Variants in GCNA observed in about 807,000 individuals in gnomAD.
GCNA encodes germ cell nuclear acidic protein.
In GCNA, 3 loss-of-function variants were observed where a neutral mutation model predicts 38.8. The observed-to-expected ratio is 0.08, with a 90% confidence interval of 0.04 to 0.20. The LOEUF (loss-of-function observed/expected upper bound fraction) is 0.20, where lower values mean the gene tolerates loss of function less well. GCNA is among the 10% of genes least tolerant of loss of function. The probability of loss-of-function intolerance (pLI) is 1.00; values close to 1 mark genes in which losing one functional copy is unlikely to be tolerated. For synonymous variants in GCNA, 195 were observed against 240.2 expected (o/e 0.81, Z 1.74); for missense variants, 446 against 578.6 (o/e 0.77, Z 2.35).
intron 12 of GCNA, 97 bp downstream of exon 12, chrX:71,612,656 AG>A (rs2040821430): frequency 1.1e-6 from 1 of 911,627 alleles, no homozygotes; most frequent in African/African-American, 2.0e-5. Flanking sequence ...TGAACTGAAG[AG>A]GAGAACCTCT....
At chrX:71,595,301 T>G (rs1012050076) in intron 6 of GCNA, among the ~76,000 whole-genome samples, 1 of 111,349 alleles carries the variant, frequency 9.0e-6, no homozygotes, top group Non-Finnish European at 1.9e-5. Context: ...TCACCATGTT[T>G]TTCAGGCTTG....
chrX:71,599,612 C>A (rs2040697823), intron 7 of GCNA, among the ~76,000 whole-genome samples: 2 of 112,274 alleles, frequency 1.8e-5, no homozygotes, highest in Non-Finnish European at 3.8e-5. Flanking sequence ...ATGAAGAATG[C>A]TCCTATAGGA....
In GCNA at chrX:71,612,958, G is replaced by T. The variant is rs2040824533; in HGVS notation, c.2052G>T (p.Gly684=). Residue 684 remains glycine (G), a synonymous_variant, in exon 13 of 13, where the codon GGG becomes GGT. Coordinates refer to ENST00000373696, the MANE Select transcript of GCNA (RefSeq NM_052957.5). ...LVMVPLTQKD[G]TRIVPHV is the part of the protein sequence containing the mutation. ...TGGTGCCATTAACTCAGAAAGATGG[G>T]ACCCGTATTGTGCCCCACGTGTGAC... 1.7e-6 allele frequency: 2 copies of T among 1,209,913 alleles called. No homozygotes were observed. The highest frequency in any genetic ancestry group is 1.8e-5 in the African/African-American group (1 of 57,089).
At chrX:71,610,927 C>G in intron 11 of GCNA, 108 bp downstream of exon 11, 1 of 1,062,507 alleles carries the variant, frequency 9.4e-7, no homozygotes, top group Non-Finnish European at 1.3e-6. Context: ...AACTGTCATT[C>G]TTGGGTGGGC....
chrX:71,579,888 A>G (rs2040532975), intron 1 of GCNA, among the ~76,000 whole-genome samples: 1 of 106,630 alleles, frequency 9.4e-6, no homozygotes, highest in Admixed American at 1.0e-4. Flanking sequence ...GGGAGGGGTC[A>G]AGGCCTGTTT....
intron 8 of GCNA, 42 bp downstream of exon 8, chrX:71,604,718 C>T (rs762963013): frequency 8.4e-7 from 1 of 1,193,625 alleles, no homozygotes; most frequent in Non-Finnish European, 1.1e-6. Context: ...ACTGAATGTG[C>T]CTTGCCTGCC....
At chrX:71,599,428 G>A (rs1191235688) in intron 7 of GCNA, among the ~76,000 whole-genome samples, 1 of 111,758 alleles carries the variant, frequency 8.9e-6, no homozygotes, top group African/African-American at 3.3e-5. Context: ...GCAGCTTGAG[G>A]GCAGGCAGGA....
At chrX:71,600,754 T>C (rs1017683844) in intron 7 of GCNA, among the ~76,000 whole-genome samples, 3 of 112,297 alleles carry the variant, frequency 2.7e-5, no homozygotes, top group Non-Finnish European at 5.6e-5. Context: ...GATACAAGCA[T>C]GCAATGTGTA....
At chrX:71,583,864 ACTTTT>A (rs1296917156) in intron 2 of GCNA, among the ~76,000 whole-genome samples, 6 of 106,813 alleles carry the variant, frequency 5.6e-5, no homozygotes, top group African/African-American at 2.0e-4. Context: ...CACCCGCCTA[ACTTTT>A]TTTTTTTTTT....
chrX:71,579,836 A>C (rs189919484), intron 1 of GCNA, among the ~76,000 whole-genome samples: 1,884 of 101,762 alleles, frequency 0.019, 20 homozygotes, highest in Non-Finnish European at 0.03. Context: ...TGAGGTGAGA[A>C]TGGTGGGGGT....
chrX:71,591,729 T>A (rs763186643), intron 2 of GCNA, among the ~76,000 whole-genome samples: 31 of 111,596 alleles, frequency 2.8e-4, no homozygotes, highest in African/African-American at 9.4e-4. Context: ...AACCTTGAAT[T>A]CCTGGGCTCA....
intron 9 of GCNA, among the ~76,000 whole-genome samples, chrX:71,607,634 CAA>C (rs1007963294): frequency 4.5e-5 from 5 of 112,336 alleles, no homozygotes; most frequent in African/African-American, 1.6e-4. Flanking sequence ...GTGGTTTAAT[CAA>C]AAGACCATGA....
chrX:71,612,880 A>G lies in GCNA; in HGVS notation c.1974A>G (p.Lys658=). 8.3e-7 allele frequency: 1 copy of G among 1,211,088 alleles called. No individual in the cohort carries two copies. Among genetic ancestry groups the G allele is most frequent in the Non-Finnish European group, 1.1e-6 (1 of 895,290 alleles). ...GCKTRIGCYT[K]SLDTSRFICA... ...TTCCCAGGATTGGCTGCTACACCAA[A>G]TCGTTGGACACCAGCCGCTTCATCT... The change falls in exon 13 of 13, where the codon AAA becomes AAG. Residue 658 remains lysine, a synonymous_variant. Coordinates refer to ENST00000373696, the MANE Select transcript of GCNA (RefSeq NM_052957.5).
At chrX:71,593,878 T>A (rs1180897364) in intron 4 of GCNA, among the ~76,000 whole-genome samples, 1 of 107,324 alleles carries the variant, frequency 9.3e-6, no homozygotes, top group African/African-American at 3.4e-5. Context: ...AGAGACAGGG[T>A]CTTGCTGTGT....
chrX:71,588,521 TTTAAA>T (rs2040599771), intron 2 of GCNA, among the ~76,000 whole-genome samples: 1 of 112,153 alleles, frequency 8.9e-6, no homozygotes, highest in Non-Finnish European at 1.9e-5. Context: ...TTTATAGTCT[TTTAAA>T]GTTTTAAAGG....
At chrX:71,586,720 C>G (rs761466613) in intron 2 of GCNA, among the ~76,000 whole-genome samples, 1 of 111,077 alleles carries the variant, frequency 9.0e-6, no homozygotes, top group Non-Finnish European at 1.9e-5. Context: ...AGCGATTTTC[C>G]AGCCTCAGCC....
chrX:71,584,094 C>T (rs4844298), intron 2 of GCNA, among the ~76,000 whole-genome samples: 17,239 of 109,783 alleles, frequency 0.16, 1,306 homozygotes, highest in East Asian at 0.47. Context: ...GTGATCCACC[C>T]GCCTCGGCCT....
intron 7 of GCNA, 125 bp downstream of exon 7, chrX:71,598,163 C>T: frequency 2.0e-6 from 1 of 488,090 alleles, no homozygotes; most frequent in Non-Finnish European, 3.5e-6. Flanking sequence ...GCCACCGTTT[C>T]TTTCCTCGTA....
At chrX:71,601,971 G>A (rs2040719141) in intron 7 of GCNA, among the ~76,000 whole-genome samples, 3 of 111,979 alleles carry the variant, frequency 2.7e-5, no homozygotes, top group Admixed American at 9.5e-5. Context: ...GGGTATATAC[G>A]CAGCGGTGGG....
Sources: gnomAD v4.1 joint callset for allele counts (sites outside exome capture counted in the v4.1 genomes callset) on GRCh38, gnomAD v4.1.1 for gene constraint, MANE v1.5 for transcripts, NCBI Gene and HGNC (gene_info 2026-07-23, HGNC 2026-07-21) for gene names.